TMEM107: variants seen among roughly 807,000 people sequenced by gnomAD.
TMEM107 encodes the protein transmembrane protein 107.
In TMEM107, 18 loss-of-function variants were observed where a neutral mutation model predicts 16.8. That is an observed-to-expected ratio of 1.07 (90% CI 0.74 to 1.59). The LOEUF (loss-of-function observed/expected upper bound fraction) is 1.59, where lower values mean the gene tolerates loss of function less well. Ranked by LOEUF, TMEM107 falls within the 40% of genes most tolerant of loss-of-function variation. The pLI, the probability that TMEM107 is intolerant of heterozygous loss-of-function variation, is 0.00. For synonymous variants in TMEM107, 68 were observed against 71.6 expected (o/e 0.95, Z 0.25); for missense variants, 152 against 175.4 (o/e 0.87, Z 0.75).
In TMEM107 at chr17:8,173,576, C is replaced by G. The variant is rs373542197; in HGVS notation, c.*627G>C. 3.8e-5 allele frequency: 29 copies of G among 764,794 alleles called. No individual in the cohort carries two copies. The highest frequency in any genetic ancestry group is 6.2e-5 in the Non-Finnish European group (26 of 417,676). The allele number at this position is 764,794 out of a possible 1,614,324, so 47.4% of individuals were successfully genotyped here. On this transcript the variant is annotated 3_prime_UTR_variant, in exon 5 of 5. Transcript: ENST00000437139. ...CGGAGGAGGAACAGGTAAGGATTAT[C>G]CCACCTGACGATACAGACAAACAGC...
Position 8,172,571 on chromosome 17 carries a change from C to T in TMEM107, c.*1632G>A, listed in dbSNP as rs566198287. ...GCAAAAGAGGGGAGTGGGAGAAACG[C>T]GGTGGCTCATGCCTGTATCCTAGCA... On this transcript the variant is annotated 3_prime_UTR_variant, in exon 5 of 5. Transcript: ENST00000437139. Among the ~76,000 whole-genome samples the T allele has an allele frequency of 6.6e-6, 1 of 152,028 alleles. No individual in the cohort carries two copies. Among genetic ancestry groups the T allele is most frequent in the Admixed American group, 6.6e-5 (1 of 15,258 alleles).
Position 8,173,530 on chromosome 17 carries a change from A to C in TMEM107, c.*673T>G, listed in dbSNP as rs752108301. The C allele has an allele frequency of 3.9e-6, 3 of 765,336 alleles. No homozygotes were observed. The highest frequency in any genetic ancestry group is 7.2e-6 in the Non-Finnish European group (3 of 418,036). 47.4% of individuals were successfully genotyped at this position (765,336 alleles called of 1,614,324 possible). ...AATCACGTTTCATGCATCTCCAATC[A>C]TCATGTTCTAATCTGCCCTCCGGAG... On this transcript the variant is annotated 3_prime_UTR_variant, in exon 5 of 5. Coordinates refer to ENST00000437139, the MANE Select transcript of TMEM107 (RefSeq NM_183065.4).
Position 8,176,195 on chromosome 17 carries a change from C to G in TMEM107, c.87+5G>C. The G allele has an allele frequency of 6.2e-7, 1 of 1,614,024 alleles. No individual in the cohort carries two copies. Among genetic ancestry groups the G allele is most frequent in the East Asian group, 2.2e-5 (1 of 44,870 alleles). ...GGACGGATTGAGTGCAGCCGTGGGT[C>G]TTACCCGGGACCAGAATAAGGTGAT... On this transcript the variant is annotated splice_donor_5th_base_variant and intron_variant, in intron 1 of 4. Transcript: ENST00000437139.
chr17:8,174,867 G>T (rs1983999179), intron 3 of TMEM107: 1 of 501,368 alleles, frequency 2.0e-6, no homozygotes, highest in African/African-American at 1.9e-5. Flanking sequence ...GGATCCTTCA[G>T]ATGAGAGGTA....
rs369737076 is a variant in TMEM107, at chr17:8,173,573, T to C, written c.*630A>G. On this transcript the variant is annotated 3_prime_UTR_variant, in exon 5 of 5. Transcript: ENST00000437139. ...CTCCGGAGGAGGAACAGGTAAGGAT[T>C]ATCCCACCTGACGATACAGACAAAC... The C allele has an allele frequency of 5.9e-5, 45 of 764,708 alleles. No homozygotes were observed. Among genetic ancestry groups the C allele is most frequent in the East Asian group, 2.4e-4 (10 of 41,250 alleles). The allele number at this position is 764,708 out of a possible 1,614,324, so 47.4% of individuals were successfully genotyped here.
At position 8,173,018 on chromosome 17, in the gene TMEM107, T is replaced by A; in HGVS notation, c.*1185A>T. ...CTGGTAGATTTTTAACAACCAACTCTCCAAAAACAAATGTATCCATGTATA... is the reference window on the plus strand; with the variant it reads ...CTGGTAGATTTTTAACAACCAACTCACCAAAAACAAATGTATCCATGTATA... On this transcript the variant is annotated 3_prime_UTR_variant, in exon 5 of 5. Transcript: ENST00000437139. 6.6e-6 allele frequency among the ~76,000 whole-genome samples: 1 copy of A among 151,762 alleles called. No homozygotes were observed. Among genetic ancestry groups the A allele is most frequent in the South Asian group, 2.1e-4 (1 of 4,800 alleles).
Position 8,173,365 on chromosome 17 carries a change from A to G in TMEM107, c.*838T>C, listed in dbSNP as rs1206964159. 2 of 639,708 alleles carry G rather than the reference A, an allele frequency of 3.1e-6. No homozygotes were observed. Among genetic ancestry groups the G allele is most frequent in the Non-Finnish European group, 5.8e-6 (2 of 347,474 alleles). The allele number at this position is 639,708 out of a possible 1,614,324, so 39.6% of individuals were successfully genotyped here. A position where few individuals can be genotyped will look rare whatever the true frequency, so the allele number is the denominator to read the frequency against. On this transcript the variant is annotated 3_prime_UTR_variant, in exon 5 of 5. Transcript: ENST00000437139. ...TAGCAAGACTGCAAAATAGACAAAC[A>G]GCAAGGTTATCCCAGTCAGAACTTC...
At chr17:8,175,660 A>G (rs765971385) in intron 3 of TMEM107, 97 bp downstream of exon 3, 1 of 1,013,434 alleles carries the variant, frequency 9.9e-7, no homozygotes, top group Non-Finnish European at 1.6e-6. Context: ...TTTGAACTGG[A>G]AGGATTGGCT....
chr17:8,175,995 G>C lies in TMEM107; in HGVS notation c.119C>G (p.Thr40Arg), dbSNP rs762443312. ...CTTGTCATACTCCTCGGGGGTGAAC[G>C]TGAGAGGCAGGCAGGCCTGTATGTT... ...DSNIQACLPL[T>R]FTPEEYDKQD... is the part of the protein sequence containing the mutation. Residue 40 changes from threonine to arginine, a missense_variant, in exon 2 of 5, where the codon ACG becomes AGG. Transcript: ENST00000437139. 6.2e-7 allele frequency: 1 copy of C among 1,614,254 alleles called. No homozygotes were observed. Among genetic ancestry groups the C allele is most frequent in the Non-Finnish European group, 8.5e-7 (1 of 1,180,050 alleles).
At position 8,176,254 on chromosome 17, in the gene TMEM107, G is replaced by C; in HGVS notation, c.33C>G (p.Arg11=). 2 of 1,614,176 alleles carry C rather than the reference G, an allele frequency of 1.2e-6. No homozygotes were observed. The highest frequency in any genetic ancestry group is 1.7e-6 in the Non-Finnish European group (2 of 1,179,994). Residue 11 remains arginine, a synonymous_variant, in exon 1 of 5, where the codon CGC becomes CGG. Transcript: ENST00000437139. ...CCAGATGCGCCAGGAGCGTCAGGAA[G>C]CGAGAGGGCACAAGCCCTGAGACCC... is the stretch of plus-strand genomic sequence containing the variant. The part of the protein sequence containing the change: MGRVSGLVPS[R]FLTLLAHLVV...
At position 8,173,589 on chromosome 17, in the gene TMEM107, A is replaced by T. The variant is rs371884450; in HGVS notation, c.*614T>A. 3 of 763,788 alleles carry T rather than the reference A, an allele frequency of 3.9e-6. No individual in the cohort carries two copies. The South Asian group carries it at 4.0e-5, about 10-fold the overall frequency. 47.3% of individuals were successfully genotyped at this position (763,788 alleles called of 1,614,324 possible). A position where few individuals can be genotyped will look rare whatever the true frequency, so the allele number is the denominator to read the frequency against. On this transcript the variant is annotated 3_prime_UTR_variant, in exon 5 of 5. Coordinates refer to ENST00000437139, the MANE Select transcript of TMEM107 (RefSeq NM_183065.4). ...GGTAAGGATTATCCCACCTGACGAT[A>T]CAGACAAACAGCCGACATTCTGCAC...
chr17:8,173,505 A>G lies in TMEM107; in HGVS notation c.*698T>C, dbSNP rs1052538151. 6.5e-6 allele frequency: 5 copies of G among 765,186 alleles called. No homozygotes were observed. Among genetic ancestry groups the G allele is most frequent in the Non-Finnish European group, 7.2e-6 (3 of 418,024 alleles). 47.4% of individuals were successfully genotyped at this position (765,186 alleles called of 1,614,324 possible). A position where few individuals can be genotyped will look rare whatever the true frequency, so the allele number is the denominator to read the frequency against. On this transcript the variant is annotated 3_prime_UTR_variant, in exon 5 of 5. Coordinates refer to ENST00000437139, the MANE Select transcript of TMEM107 (RefSeq NM_183065.4). Reference sequence around the variant, plus strand: ...CAAGTCCTGATTACGCAGAGACGTTAATCACGTTTCATGCATCTCCAATCA... The same window carrying G: ...CAAGTCCTGATTACGCAGAGACGTTGATCACGTTTCATGCATCTCCAATCA...
In TMEM107 at chr17:8,173,504, T is replaced by G. The variant is rs375321751; in HGVS notation, c.*699A>C. The G allele has an allele frequency of 1.3e-6, 1 of 765,190 alleles. No individual in the cohort carries two copies. The allele number at this position is 765,190 out of a possible 1,614,324, so 47.4% of individuals were successfully genotyped here. ...GCAAGTCCTGATTACGCAGAGACGT[T>G]AATCACGTTTCATGCATCTCCAATC... On this transcript the variant is annotated 3_prime_UTR_variant, in exon 5 of 5. Transcript: ENST00000437139.
rs1983613972 is a variant in TMEM107 at position 8,172,491 on chromosome 17, A to G, written c.*1712T>C. 6.6e-6 allele frequency among the ~76,000 whole-genome samples: 1 copy of G among 151,940 alleles called. No individual in the cohort carries two copies. The highest frequency in any genetic ancestry group is 1.5e-5 in the Non-Finnish European group (1 of 68,012). ...TGTAAGAAGGAACAACCAGAACAGTATAATAGTAGGCAAACCAGGTGAACC... is the reference window on the plus strand; with the variant it reads ...TGTAAGAAGGAACAACCAGAACAGTGTAATAGTAGGCAAACCAGGTGAACC... On this transcript the variant is annotated 3_prime_UTR_variant, in exon 5 of 5. Coordinates refer to ENST00000437139, the MANE Select transcript of TMEM107 (RefSeq NM_183065.4).
rs372721948 is a variant in TMEM107 at position 8,173,515 on chromosome 17, C to G, written c.*688G>C. The G allele has an allele frequency of 6.5e-6, 5 of 765,366 alleles. No homozygotes were observed. Among genetic ancestry groups the G allele is most frequent in the South Asian group, 1.3e-5 (1 of 74,612 alleles). The allele number at this position is 765,366 out of a possible 1,614,324, so 47.4% of individuals were successfully genotyped here. A position where few individuals can be genotyped will look rare whatever the true frequency, so the allele number is the denominator to read the frequency against. On this transcript the variant is annotated 3_prime_UTR_variant, in exon 5 of 5. Transcript: ENST00000437139. Reference sequence around the variant, plus strand: ...TTACGCAGAGACGTTAATCACGTTTCATGCATCTCCAATCATCATGTTCTA... The same window carrying G: ...TTACGCAGAGACGTTAATCACGTTTGATGCATCTCCAATCATCATGTTCTA...
At chr17:8,176,129 G>A (rs774986764) in intron 1 of TMEM107, 71 bp downstream of exon 1, 2 of 1,599,404 alleles carry the variant, frequency 1.3e-6, no homozygotes, top group South Asian at 1.1e-5. Context: ...GACACTGGGA[G>A]GGGGCAGGGT....
Position 8,173,329 on chromosome 17 carries a change from A to T in TMEM107, c.*874T>A, listed in dbSNP as rs1052965711. 4 of 555,424 alleles carry T rather than the reference A, an allele frequency of 7.2e-6. No homozygotes were observed. The African/African-American group carries it at 7.6e-5, about 11-fold the overall frequency. 34.4% of individuals were successfully genotyped at this position (555,424 alleles called of 1,614,324 possible). ...CAAATTTAGCAAGACTGCAAAATAG[A>T]CAAACAGCAATAGCAAGACTGCAAA... On this transcript the variant is annotated 3_prime_UTR_variant, in exon 5 of 5. Transcript: ENST00000437139.
rs1555525294 is a variant in TMEM107 at position 8,172,872 on chromosome 17, A to AAAC, written c.*1330_*1331insGTT. 4.7e-5 allele frequency among the ~76,000 whole-genome samples: 7 copies of AAAC among 148,826 alleles called. No homozygotes were observed. The highest frequency in any genetic ancestry group is 8.9e-5 in the Non-Finnish European group (6 of 67,122). On this transcript the variant is annotated 3_prime_UTR_variant, in exon 5 of 5. Transcript: ENST00000437139. ...GACTGTCTCAAAAAAAAAAAAAAAA[A>AAAC]AAACCAAAAGAGGGGGGTGGTCAAC...
rs1434555776 is a variant in TMEM107 at position 8,174,171 on chromosome 17, G to A, written c.*32C>T. 6.2e-7 allele frequency: 1 copy of A among 1,605,524 alleles called. No individual in the cohort carries two copies. The highest frequency in any genetic ancestry group is 1.7e-5 in the Admixed American group (1 of 60,014). On this transcript the variant is annotated 3_prime_UTR_variant, in exon 5 of 5. Coordinates refer to ENST00000437139, the MANE Select transcript of TMEM107 (RefSeq NM_183065.4). Reference sequence around the variant, plus strand: ...TACGAAGCGGCCCTTGCCCCTGTAGGCTTCGTCCTTAGGTTCCCGTCATGA... The same window carrying A: ...TACGAAGCGGCCCTTGCCCCTGTAGACTTCGTCCTTAGGTTCCCGTCATGA...
Sources: gnomAD v4.1 joint callset for allele counts (sites outside exome capture counted in the v4.1 genomes callset) on GRCh38, gnomAD v4.1.1 for gene constraint, MANE v1.5 for transcripts, NCBI Gene and HGNC (gene_info 2026-07-23, HGNC 2026-07-21) for gene names.